Variants in SLC36A1 observed in about 807,000 individuals in gnomAD.
SLC36A1 encodes proton-coupled amino acid transporter 1.
A neutral mutation model predicts 47.5 loss-of-function variants in SLC36A1; 30 were observed. The observed-to-expected ratio is 0.63, with a 90% CI of 0.47 to 0.86. The LOEUF is 0.86. Ranked by LOEUF, SLC36A1 falls within the 40% of genes least tolerant of loss-of-function variation. The pLI is 0.00. For missense variants in SLC36A1, 517 were observed against 606.0 expected (o/e 0.85, Z 1.54); for synonymous variants, 255 against 249.7 (o/e 1.02, Z -0.20).
chr5:151,378,186 T>C, the SLC36A1 span: 1 of 273,044 alleles, frequency 3.7e-6, no homozygotes. Flanking sequence ...ATTTATAGGT[T>C]TTTAATCTTC....
At chr5:151,525,742 C>G in the SLC36A1 span, 1 of 1,613,598 alleles carries the variant, frequency 6.2e-7, no homozygotes, top group Non-Finnish European at 8.5e-7. Context: ...CCATGGTCAC[C>G]ACCAGAAGCC....
At chr5:151,555,921 T>C in the SLC36A1 span, among the ~76,000 whole-genome samples, 1 of 152,170 alleles carries the variant, frequency 6.6e-6, no homozygotes, top group Non-Finnish European at 1.5e-5. Context: ...GGAATGCCTA[T>C]GTGATTTTAG....
rs1759792170 is a variant in SLC36A1, at chr5:151,488,013, A to G, written c.1190A>G (p.Asp397Gly). Residue 397 changes from aspartate (D) to glycine (G), a missense_variant, in exon 11 of 11, where the codon GAC becomes GGC. Transcript: ENST00000243389. ...TTGGCCATCCTCATCCCCCGCCTGGACCTGGTCATCTCCCTGGTGGGCTCC... is the reference window on the plus strand; with the variant it reads ...TTGGCCATCCTCATCCCCCGCCTGGGCCTGGTCATCTCCCTGGTGGGCTCC... ...CILAILIPRL[D>G]LVISLVGSVS... 3 of 1,614,006 alleles carry G rather than the reference A, an allele frequency of 1.9e-6. No individual in the cohort carries two copies. Among genetic ancestry groups the G allele is most frequent in the Admixed American group, 1.7e-5 (1 of 60,012 alleles).
chr5:151,369,794 T>C, the SLC36A1 span, among the ~76,000 whole-genome samples: 1 of 151,904 alleles, frequency 6.6e-6, no homozygotes, highest in East Asian at 1.9e-4. Flanking sequence ...TTTCTCATTT[T>C]ATTTTTATTT....
the SLC36A1 span, among the ~76,000 whole-genome samples, chr5:151,362,416 A>AGT: frequency 8.2e-6 from 1 of 121,434 alleles, no homozygotes; most frequent in Non-Finnish European, 1.6e-5. Flanking sequence ...TTTGAGATGG[A>AGT]GTCTCACTCT....
intron 1 of SLC36A1, among the ~76,000 whole-genome samples, chr5:151,440,091 C>T (rs1158111857): frequency 3.9e-5 from 6 of 152,120 alleles, no homozygotes; most frequent in South Asian, 2.1e-4. Flanking sequence ...GTGTGAATAA[C>T]GGCATTGCTC....
At chr5:151,463,241 A>G (rs911848462) in intron 2 of SLC36A1, among the ~76,000 whole-genome samples, 1 of 152,194 alleles carries the variant, frequency 6.6e-6, no homozygotes, top group Non-Finnish European at 1.5e-5. Flanking sequence ...TGGAAAGGAT[A>G]GAGTGTCTGA....
At chr5:151,401,510 T>C in the SLC36A1 span, among the ~76,000 whole-genome samples, 1 of 152,216 alleles carries the variant, frequency 6.6e-6, no homozygotes, top group Non-Finnish European at 1.5e-5. Context: ...CTACTTGGGC[T>C]CTTTTTTGGT....
At chr5:151,416,136 A>G in the SLC36A1 span, among the ~76,000 whole-genome samples, 2 of 152,164 alleles carry the variant, frequency 1.3e-5, no homozygotes, top group African/African-American at 2.4e-5. Context: ...CAAAAAAGAA[A>G]GTACACAGAG....
At chr5:151,355,758 A>G in the SLC36A1 span, among the ~76,000 whole-genome samples, 109 of 152,340 alleles carry the variant, frequency 7.2e-4, 1 homozygote, top group East Asian at 9.6e-4. Flanking sequence ...ATTTTTCAAA[A>G]AACAAATGGA....
chr5:151,544,130 T>C, the SLC36A1 span: 1 of 1,614,192 alleles, frequency 6.2e-7, no homozygotes, highest in Non-Finnish European at 8.5e-7. Context: ...TCTTGAACTG[T>C]GGACATCTCC....
At chr5:151,411,704 A>G in the SLC36A1 span, among the ~76,000 whole-genome samples, 1 of 144,518 alleles carries the variant, frequency 6.9e-6, no homozygotes, top group African/African-American at 2.5e-5. Context: ...ACCTCCCAGA[A>G]TCTTTCTAAT....
Position 151,487,983 on chromosome 5 carries a change from G to A in SLC36A1, c.1160G>A (p.Cys387Tyr). The change falls in exon 11 of 11, where the codon TGC (cysteine) becomes TAC (tyrosine). Residue 387 changes from cysteine to tyrosine, a missense_variant and splice_region_variant. Physicochemically the swap from Cys to Tyr is radical, Grantham distance 194 (BLOSUM62 -2). Coordinates refer to ENST00000243389, the MANE Select transcript of SLC36A1 (RefSeq NM_078483.4). ...ACAGGCATGTCCTCTCTCCCTGCAG[G>A]CATCTTGGCCATCCTCATCCCCCGC... is the stretch of plus-strand genomic sequence containing the variant. ...FVRTVLVCLTCILAILIPRLD... is the reference protein window; with the variant it reads ...FVRTVLVCLTYILAILIPRLD... The A allele has an allele frequency of 6.2e-7, 1 of 1,613,910 alleles. No homozygotes were observed.
At chr5:151,514,502 A>G in the SLC36A1 span, among the ~76,000 whole-genome samples, 1 of 152,200 alleles carries the variant, frequency 6.6e-6, no homozygotes, top group Non-Finnish European at 1.5e-5. Flanking sequence ...CCTGCTCTAT[A>G]CAGACATGGA....
chr5:151,550,530 T>C, the SLC36A1 span: 2 of 1,564,942 alleles, frequency 1.3e-6, no homozygotes, highest in East Asian at 2.2e-5. Context: ...TCTCCAAGCA[T>C]GTCCACCCCT....
At chr5:151,476,526 T>G (rs915066477) in intron 8 of SLC36A1, 64 bp from the exon 9 acceptor site, 5 of 1,307,410 alleles carry the variant, frequency 3.8e-6, no homozygotes, top group Non-Finnish European at 4.1e-6. Flanking sequence ...AGGTTTTTTT[T>G]TTTCTTGGCC....
the SLC36A1 span, chr5:151,509,390 C>G: frequency 1.3e-5 from 2 of 152,316 alleles, no homozygotes; most frequent in African/African-American, 4.8e-5. Context: ...ACACAATGGT[C>G]CACAACCCCT....
intron 1 of SLC36A1, among the ~76,000 whole-genome samples, chr5:151,457,915 C>T (rs746023796): frequency 2.7e-5 from 4 of 150,820 alleles, no homozygotes; most frequent in Non-Finnish European, 4.4e-5. Context: ...ATGGCACGAT[C>T]TCGGCTCACC....
At chr5:151,507,227 G>A in the SLC36A1 span, 223 of 1,613,538 alleles carry the variant, frequency 1.4e-4, no homozygotes, top group Non-Finnish European at 1.8e-4. Flanking sequence ...CAGCTGGCGG[G>A]AGTCTGGGGG....
Sources: gnomAD v4.1 joint callset for allele counts (sites outside exome capture counted in the v4.1 genomes callset) on GRCh38, gnomAD v4.1.1 for gene constraint, MANE v1.5 for transcripts, NCBI Gene and HGNC (gene_info 2026-07-23, HGNC 2026-07-21) for gene names.